Variants in CCDC158 observed in about 807,000 individuals in gnomAD.
CCDC158 encodes the protein coiled-coil domain containing 158, also known as coiled-coil domain-containing protein 158.
In CCDC158, 116 loss-of-function variants were observed where a neutral mutation model predicts 138.6. The ratio of observed to expected loss-of-function variants is 0.84; its 90% CI spans 0.72 to 0.98. The LOEUF (loss-of-function observed/expected upper bound fraction) is 0.98. Ranked by LOEUF, CCDC158 falls within the 50% of genes least tolerant of loss-of-function variation. The probability of loss-of-function intolerance (pLI) is 0.00; values close to 1 mark genes in which losing one functional copy is unlikely to be tolerated. For synonymous variants in CCDC158, 436 were observed against 442.4 expected (o/e 0.99, Z 0.18); for missense variants, 1,265 against 1,306.1 (o/e 0.97, Z 0.48).
chr4:76,391,491 A>G (rs1399650964), intron 4 of CCDC158, among the ~76,000 whole-genome samples: 3 of 151,926 alleles, frequency 2.0e-5, no homozygotes, highest in African/African-American at 7.2e-5. Flanking sequence ...TGATAATGGA[A>G]ACACAACATC....
chr4:76,357,458 A>G lies in CCDC158; in HGVS notation c.2089T>C (p.Leu697=). The change falls in exon 14 of 25, where the codon TTG becomes CTG. Residue 697 remains leucine (L), a synonymous_variant. Transcript: ENST00000682701. ...TGTGCAGATTTTAATTGCATTTTCA[A>G]CTTATTTGTAGTCATTTCCATTTCT... is the stretch of plus-strand genomic sequence containing the variant. The part of the protein sequence containing the change: ...SEEMEMTTNK[L]KMQLKSAQSE... The G allele has an allele frequency of 1.2e-6, 2 of 1,605,832 alleles. No homozygotes were observed. The highest frequency in any genetic ancestry group is 1.7e-6 in the Non-Finnish European group (2 of 1,175,436).
intron 9 of CCDC158, among the ~76,000 whole-genome samples, chr4:76,373,144 C>A (rs978784989): frequency 6.6e-6 from 1 of 152,172 alleles, no homozygotes; most frequent in Non-Finnish European, 1.5e-5. Context: ...CCACCGCGCC[C>A]GGCCTCTATA....
At position 76,421,070 on chromosome 4, in the gene CCDC158, C is replaced by T. The variant is rs1341681289; in HGVS notation, c.-222G>A. Among the ~76,000 whole-genome samples, 2 of 152,016 alleles carry T rather than the reference C, an allele frequency of 1.3e-5. No individual in the cohort carries two copies. The highest frequency in any genetic ancestry group is 2.4e-5 in the African/African-American group (1 of 41,414). On this transcript the variant is annotated 5_prime_UTR_variant, in exon 1 of 25. Coordinates refer to ENST00000682701, the MANE Select transcript of CCDC158 (RefSeq NM_001394954.1). Reference sequence around the variant, plus strand: ...CCTGGCGGCTGGGACGGGGCGGCTCCCCACTCTTCGCCCCTAGGCCCCGCG... The same window carrying T: ...CCTGGCGGCTGGGACGGGGCGGCTCTCCACTCTTCGCCCCTAGGCCCCGCG...
chr4:76,353,022 A>G, intron 16 of CCDC158, 101 bp downstream of exon 16: 1 of 888,768 alleles, frequency 1.1e-6, no homozygotes, highest in Non-Finnish European at 1.7e-6. Context: ...ACAAATTGAT[A>G]CATTCAGTTC....
rs1727004204 is a variant in CCDC158, at chr4:76,388,287, G to A, written c.289-3622C>T. On this transcript the variant is annotated intron_variant, in intron 4 of 24. Transcript: ENST00000682701. ...ACAAGCAGGCTCTTGGAGTCTCTAA[G>A]TCCAGGACTATGCATTGGGACCTGG... 2.6e-5 allele frequency among the ~76,000 whole-genome samples: 4 copies of A among 152,176 alleles called. No homozygotes were observed. The South Asian group carries it at 8.3e-4, about 31-fold the overall frequency.
At chr4:76,398,091 A>G (rs76622539) in intron 3 of CCDC158, among the ~76,000 whole-genome samples, 1 of 152,254 alleles carries the variant, frequency 6.6e-6, no homozygotes, top group Non-Finnish European at 1.5e-5. Flanking sequence ...AATTAAAAAA[A>G]CAAAAGATGG....
At chr4:76,407,487 G>T (rs926699096) in intron 2 of CCDC158, among the ~76,000 whole-genome samples, 4 of 152,032 alleles carry the variant, frequency 2.6e-5, no homozygotes, top group Non-Finnish European at 5.9e-5. Context: ...TATAAAAAAC[G>T]ACTCTATGCT....
intron 9 of CCDC158, chr4:76,375,304 ATTGAT>A (rs2110272671): frequency 2.6e-6 from 1 of 386,390 alleles, no homozygotes; most frequent in Non-Finnish European, 4.6e-6. Context: ...CTAATCTCAC[ATTGAT>A]TTTAGAGATA....
intron 18 of CCDC158, among the ~76,000 whole-genome samples, chr4:76,348,542 A>G (rs1361122080): frequency 6.6e-6 from 1 of 152,082 alleles, no homozygotes; most frequent in Non-Finnish European, 1.5e-5. Context: ...AGGTTTCAAC[A>G]TATGAATCTA....
chr4:76,361,327 C>T (rs949909755), intron 13 of CCDC158, among the ~76,000 whole-genome samples: 1 of 152,200 alleles, frequency 6.6e-6, no homozygotes, highest in Non-Finnish European at 1.5e-5. Context: ...CTTTGGGAGG[C>T]TGAGGCAGGT....
At chr4:76,367,887 G>A in intron 11 of CCDC158, 111 bp from the exon 12 acceptor site, 1 of 927,020 alleles carries the variant, frequency 1.1e-6, no homozygotes, top group South Asian at 2.0e-5. Context: ...GCAATGTTTA[G>A]TAAGATCTTT....
chr4:76,387,680 G>A (rs1003100676), intron 4 of CCDC158, among the ~76,000 whole-genome samples: 28 of 152,016 alleles, frequency 1.8e-4, no homozygotes, highest in South Asian at 4.2e-4. Flanking sequence ...AAAATTAGCC[G>A]GGCGTGGTGG....
At chr4:76,325,240 T>TA (rs1720413313) in intron 23 of CCDC158, among the ~76,000 whole-genome samples, 1 of 152,198 alleles carries the variant, frequency 6.6e-6, no homozygotes, top group South Asian at 2.1e-4. Flanking sequence ...AACTTGATGA[T>TA]AATACAACTT....
chr4:76,382,927 A>AT (rs985865037), intron 7 of CCDC158, among the ~76,000 whole-genome samples: 12 of 152,014 alleles, frequency 7.9e-5, no homozygotes, highest in Admixed American at 2.6e-4. Context: ...GGAATTCAGA[A>AT]TTTTTTTTTA....
intron 4 of CCDC158, among the ~76,000 whole-genome samples, chr4:76,395,932 T>A (rs1201025171): frequency 1.3e-5 from 2 of 152,212 alleles, no homozygotes; most frequent in Non-Finnish European, 2.9e-5. Flanking sequence ...GGTATCATGA[T>A]AGCAGGACAG....
At chr4:76,339,686 T>C (rs1473050711) in intron 18 of CCDC158, among the ~76,000 whole-genome samples, 1 of 152,236 alleles carries the variant, frequency 6.6e-6, no homozygotes, top group Non-Finnish European at 1.5e-5. Context: ...ACAGAGCAGT[T>C]GCCATGACTG....
intron 9 of CCDC158, among the ~76,000 whole-genome samples, chr4:76,377,858 C>A (rs903191121): frequency 1.3e-5 from 2 of 152,102 alleles, no homozygotes; most frequent in Non-Finnish European, 2.9e-5. Context: ...AAACGCAACC[C>A]CCCAATAAAT....
intron 3 of CCDC158, among the ~76,000 whole-genome samples, chr4:76,399,224 A>G (rs1406890136): frequency 6.6e-6 from 1 of 152,194 alleles, no homozygotes; most frequent in Non-Finnish European, 1.5e-5. Flanking sequence ...TAAGATGTTC[A>G]CTGTATTGTT....
chr4:76,384,172 G>C lies in CCDC158; in HGVS notation c.642C>G (p.His214Gln), dbSNP rs1332849653. Residue 214 changes from histidine (H) to glutamine (Q), a missense_variant, in exon 6 of 25, where the codon CAC (histidine) becomes CAG (glutamine). Physicochemically the swap from His to Gln is conservative, Grantham distance 24 (BLOSUM62 0). Transcript: ENST00000682701. ...ICEHDSMSTL[H>Q]FRSLGSAISK... ...TAATAGCTGAGCCCAAGCTGCGGAAGTGCAGAGTAGACATGCTGTCATGTT... is the reference window on the plus strand; with the variant it reads ...TAATAGCTGAGCCCAAGCTGCGGAACTGCAGAGTAGACATGCTGTCATGTT... 1 of 1,614,136 alleles carries C rather than the reference G, an allele frequency of 6.2e-7. No individual in the cohort carries two copies.
Sources: gnomAD v4.1 joint callset for allele counts (sites outside exome capture counted in the v4.1 genomes callset) on GRCh38, gnomAD v4.1.1 for gene constraint, MANE v1.5 for transcripts, NCBI Gene and HGNC (gene_info 2026-07-23, HGNC 2026-07-21) for gene names.